The following DOK7 variants were observed in gnomAD, a reference collection of about 807,000 sequenced individuals.
DOK7 encodes docking protein 7.
In DOK7, 32 loss-of-function variants were observed where a neutral mutation model predicts 30.7. The observed-to-expected ratio is 1.04, with a 90% confidence interval of 0.79 to 1.40. The LOEUF is 1.40. Among genes scored for constraint, DOK7 ranks in the 40% most tolerant of loss-of-function variants. The pLI, the probability that DOK7 is intolerant of heterozygous loss-of-function variation, is 0.00. For missense variants in DOK7, 1,007 were observed against 699.2 expected (o/e 1.44, Z -4.97); for synonymous variants, 447 against 324.1 (o/e 1.38, Z -4.07).
At chr4:3,486,442 G>A (rs1259878252) in intron 5 of DOK7, among the ~76,000 whole-genome samples, 2 of 152,254 alleles carry the variant, frequency 1.3e-5, no homozygotes, top group African/African-American at 4.8e-5. Context: ...GGCGCCTCCT[G>A]GCACTGGCAC....
At chr4:3,487,128 C>T (rs1201720910) in intron 5 of DOK7, among the ~76,000 whole-genome samples, 1 of 152,224 alleles carries the variant, frequency 6.6e-6, no homozygotes, top group Non-Finnish European at 1.5e-5. Flanking sequence ...TCAGAGTCAG[C>T]TGGGAGCTCT....
chr4:3,486,245 C>A (rs1354640340), intron 5 of DOK7, among the ~76,000 whole-genome samples: 1 of 152,248 alleles, frequency 6.6e-6, no homozygotes, highest in Non-Finnish European at 1.5e-5. Context: ...AGGGATGTTG[C>A]TGGACCCCAG....
chr4:3,472,754 G>A (rs1254369481), intron 2 of DOK7, among the ~76,000 whole-genome samples: 1 of 152,220 alleles, frequency 6.6e-6, no homozygotes, highest in Non-Finnish European at 1.5e-5. Flanking sequence ...TTGCCCTGGA[G>A]GGTCCGGGAG....
At chr4:3,486,805 G>A (rs919229286) in intron 5 of DOK7, among the ~76,000 whole-genome samples, 2 of 152,146 alleles carry the variant, frequency 1.3e-5, no homozygotes, top group Non-Finnish European at 2.9e-5. Context: ...TGATGTGGTC[G>A]GTGTGTTTGG....
chr4:3,478,452 C>T (rs1032527288), intron 4 of DOK7, among the ~76,000 whole-genome samples: 4 of 152,276 alleles, frequency 2.6e-5, no homozygotes, highest in East Asian at 1.9e-4. Flanking sequence ...GCTGCCTCTC[C>T]GGGGCAAGCT....
In DOK7 at chr4:3,485,570, G is replaced by A. The variant is rs375631042; in HGVS notation, c.564G>A (p.Glu188=). 8.7e-6 allele frequency: 14 copies of A among 1,607,162 alleles called. No individual in the cohort carries two copies. Among genetic ancestry groups the A allele is most frequent in the Middle Eastern group, 3.3e-4 (2 of 6,044 alleles). ...GCGTCTTCTTCCTGTCCTCGGCCGA[G>A]GGGGAGCAGATCAGCTTCCTGTTCG... is the stretch of plus-strand genomic sequence containing the variant. ...WAGVFFLSSA[E]GEQISFLFDC... is the part of the protein sequence containing the mutation. Residue 188 remains glutamate, a synonymous_variant, in exon 5 of 7, where the codon GAG becomes GAA. Transcript: ENST00000340083.
At chr4:3,489,566 A>G (rs2109387866) in intron 5 of DOK7, 111 bp from the exon 6 acceptor site, 2 of 1,515,210 alleles carry the variant, frequency 1.3e-6, no homozygotes, top group Non-Finnish European at 8.9e-7. Context: ...CTCCCAGGGG[A>G]CTGCCACTCC....
intron 4 of DOK7, among the ~76,000 whole-genome samples, chr4:3,481,035 T>C (rs899483717): frequency 6.6e-6 from 1 of 151,964 alleles, no homozygotes; most frequent in African/African-American, 2.4e-5. Context: ...AAAAGGGCAC[T>C]TCAGACATCT....
At chr4:3,480,659 T>C (rs1299037116) in intron 4 of DOK7, among the ~76,000 whole-genome samples, 1 of 152,228 alleles carries the variant, frequency 6.6e-6, no homozygotes, top group Admixed American at 6.5e-5. Context: ...TCTTGCTACA[T>C]GAACGCGGCA....
intron 2 of DOK7, among the ~76,000 whole-genome samples, chr4:3,464,715 C>T (rs951928787): frequency 1.3e-5 from 2 of 152,184 alleles, no homozygotes; most frequent in Non-Finnish European, 2.9e-5. Flanking sequence ...AGGAAGGCAC[C>T]CGGGACAGCA....
rs1728696937 is a variant in DOK7 at position 3,493,591 on chromosome 4, GCT to G, written c.*93_*94del. On this transcript the variant is annotated 3_prime_UTR_variant, in exon 7 of 7. Coordinates refer to ENST00000340083, the MANE Select transcript of DOK7 (RefSeq NM_173660.5). The stretch of plus-strand genomic sequence containing the variant: ...GGCGCCAGCCTCCTTGCAGACTGGT[GCT>G]CTGTGTTCTGTGGGAGGGACCGGGG... The G allele has an allele frequency of 3.9e-6, 6 of 1,548,482 alleles. No individual in the cohort carries two copies. The highest frequency in any genetic ancestry group is 5.2e-6 in the Non-Finnish European group (6 of 1,146,408).
At chr4:3,473,847 A>G (rs1381883388) in intron 3 of DOK7, among the ~76,000 whole-genome samples, 1 of 152,104 alleles carries the variant, frequency 6.6e-6, no homozygotes, top group Non-Finnish European at 1.5e-5. Context: ...GTGTCTTTAG[A>G]GCTCCCTAGC....
chr4:3,489,376 TGGTGAGGAA>T (rs1728023212), intron 5 of DOK7, among the ~76,000 whole-genome samples: 2 of 151,408 alleles, frequency 1.3e-5, no homozygotes, highest in Admixed American at 6.6e-5. Context: ...AAAAACTCGG[TGGTGAGGAA>T]GATGAGGAAG....
In DOK7 at chr4:3,468,712, GTA is replaced by G. The variant is rs537391040; in HGVS notation, c.101-4692_101-4691del. On this transcript the variant is annotated intron_variant, in intron 2 of 6. Coordinates refer to ENST00000340083, the MANE Select transcript of DOK7 (RefSeq NM_173660.5). Reference sequence around the variant, plus strand: ...TGCATGTATGTCTGTGTATGTGTGTGTATGTGTGCGTGCCTGTATGTCTGCCT... The same window carrying G: ...TGCATGTATGTCTGTGTATGTGTGTGTGTGTGCGTGCCTGTATGTCTGCCT... 5.6e-3 allele frequency among the ~76,000 whole-genome samples: 805 copies of G among 144,498 alleles called. 4 individuals are homozygous for G. Among genetic ancestry groups the G allele is most frequent in the South Asian group, 0.019 (87 of 4,630 alleles). 94.8% of individuals were successfully genotyped at this position (144,498 alleles called of 152,430 possible). A position where few individuals can be genotyped will look rare whatever the true frequency, so the allele number is the denominator to read the frequency against.
chr4:3,489,129 G>T (rs1360558246), intron 5 of DOK7, among the ~76,000 whole-genome samples: 3 of 152,218 alleles, frequency 2.0e-5, no homozygotes, highest in African/African-American at 4.8e-5. Context: ...GAGGGGAGGG[G>T]CTAGGTGGGG....
At position 3,493,390 on chromosome 4, in the gene DOK7, CCCTGCCCCTGGCGAGCCCTGGGAAGCAG is replaced by C; in HGVS notation, c.1405_1432del (p.Pro469AlafsTer23). Reference sequence around the variant, plus strand: ...AGGGCAGCGAGGCCACACTGCCTGGCCCTGCCCCTGGCGAGCCCTGGGAAGCAGGCGGCCCCCACGCGGGGCCACCCCC... The same window carrying C: ...AGGGCAGCGAGGCCACACTGCCTGGCGCGGCCCCCACGCGGGGCCACCCCC... On this transcript the variant is annotated frameshift_variant, in exon 7 of 7. Transcript: ENST00000340083. LOFTEE classifies it high-confidence loss of function. 1 of 1,594,494 alleles carries C rather than the reference CCCTGCCCCTGGCGAGCCCTGGGAAGCAG, an allele frequency of 6.3e-7. No homozygotes were observed. Among genetic ancestry groups the C allele is most frequent in the Non-Finnish European group, 8.5e-7 (1 of 1,170,988 alleles).
intron 2 of DOK7, among the ~76,000 whole-genome samples, chr4:3,469,419 G>A (rs1181716347): frequency 6.6e-6 from 1 of 152,198 alleles, no homozygotes; most frequent in African/African-American, 2.4e-5. Flanking sequence ...CGCAGCCAGA[G>A]GGTGGGTGGG....
At chr4:3,471,546 G>A (rs888196350) in intron 2 of DOK7, among the ~76,000 whole-genome samples, 5 of 152,254 alleles carry the variant, frequency 3.3e-5, no homozygotes, top group South Asian at 4.1e-4. Flanking sequence ...TGGAGACTGC[G>A]GGCTGTCCTC....
chr4:3,490,566 T>TCA (rs1560227388), intron 6 of DOK7, among the ~76,000 whole-genome samples: 30 of 107,880 alleles, frequency 2.8e-4, no homozygotes, highest in African/African-American at 9.3e-4. Flanking sequence ...GCTCATTCGT[T>TCA]TTTTCCTTCT....
Sources: gnomAD v4.1 joint callset for allele counts (sites outside exome capture counted in the v4.1 genomes callset) on GRCh38, gnomAD v4.1.1 for gene constraint, MANE v1.5 for transcripts, NCBI Gene and HGNC (gene_info 2026-07-23, HGNC 2026-07-21) for gene names.